Variants in LRCH1 observed in about 807,000 individuals in gnomAD.
LRCH1 encodes the protein leucine-rich repeat and calponin homology domain-containing protein 1.
A neutral mutation model predicts 94.9 loss-of-function variants in LRCH1; 23 were observed. That is an observed-to-expected ratio of 0.24 (90% CI 0.17 to 0.34). The LOEUF (loss-of-function observed/expected upper bound fraction) is 0.34. LRCH1 is among the 10% of genes least tolerant of loss of function. LRCH1 has a pLI of 1.00. For synonymous variants in LRCH1, 364 were observed against 354.9 expected, an observed-to-expected ratio of 1.03 and a Z score of -0.29; for missense variants, 790 against 945.9, an observed-to-expected ratio of 0.84 and a Z score of 2.16.
At chr13:46,606,127 T>C (rs2050683876) in intron 1 of LRCH1, among the ~76,000 whole-genome samples, 1 of 148,780 alleles carries the variant, frequency 6.7e-6, no homozygotes, top group African/African-American at 2.5e-5. Context: ...CTTTAAATGC[T>C]CAAACTCTAA....
intron 18 of LRCH1, 60 bp downstream of exon 18, chr13:46,729,044 T>G (rs1293887542): frequency 6.6e-7 from 1 of 1,525,940 alleles, no homozygotes. Context: ...GGCACTGTTG[T>G]TGGTTTAGGA....
chr13:46,647,388 T>A (rs2051235980), intron 1 of LRCH1, among the ~76,000 whole-genome samples: 1 of 152,210 alleles, frequency 6.6e-6, no homozygotes, highest in Admixed American at 6.5e-5. Flanking sequence ...GATCCTTTTT[T>A]TCATATGATT....
chr13:46,554,841 C>G (rs1427092596), intron 1 of LRCH1, among the ~76,000 whole-genome samples: 8 of 152,296 alleles, frequency 5.3e-5, no homozygotes, highest in Middle Eastern at 6.8e-3. Context: ...GCCCAGACCT[C>G]TTGGCTGTCA....
At chr13:46,663,057 T>C (rs1355849571) in intron 2 of LRCH1, among the ~76,000 whole-genome samples, 1 of 152,184 alleles carries the variant, frequency 6.6e-6, no homozygotes, top group Non-Finnish European at 1.5e-5. Context: ...TCTGAAAACA[T>C]TTTAAGTCTT....
chr13:46,608,267 G>A (rs1036494067), intron 1 of LRCH1, among the ~76,000 whole-genome samples: 7 of 152,170 alleles, frequency 4.6e-5, no homozygotes, highest in African/African-American at 1.4e-4. Context: ...TCCAGATGTG[G>A]TGTGGAGATG....
At chr13:46,686,706 A>G (rs842378) in intron 5 of LRCH1, among the ~76,000 whole-genome samples, 121,992 of 152,066 alleles carry the variant, frequency 0.8, 49,220 homozygotes, top group East Asian at 0.92. Context: ...AATGCTATCA[A>G]TCATGCTTAA....
At chr13:46,629,044 C>G (rs972810810) in intron 1 of LRCH1, among the ~76,000 whole-genome samples, 3 of 152,160 alleles carry the variant, frequency 2.0e-5, no homozygotes, top group African/African-American at 7.2e-5. Context: ...CCAAGTCTCC[C>G]TGAACTCCAC....
chr13:46,671,308 A>G (rs191737068), intron 3 of LRCH1, among the ~76,000 whole-genome samples: 4 of 152,318 alleles, frequency 2.6e-5, no homozygotes, highest in African/African-American at 4.8e-5. Flanking sequence ...CTCAATTTTC[A>G]TAGCATCACA....
At chr13:46,702,520 CAAAT>C (rs927412562) in intron 11 of LRCH1, among the ~76,000 whole-genome samples, 4 of 151,822 alleles carry the variant, frequency 2.6e-5, no homozygotes, top group African/African-American at 4.8e-5. Flanking sequence ...AATAATAAAA[CAAAT>C]AAATAAATAA....
At chr13:46,583,742 G>A (rs995618236) in intron 1 of LRCH1, among the ~76,000 whole-genome samples, 1 of 150,614 alleles carries the variant, frequency 6.6e-6, no homozygotes, top group Non-Finnish European at 1.5e-5. Context: ...ATTTGCTCTT[G>A]TTTCAGCTAC....
chr13:46,598,137 C>T (rs188343514), intron 1 of LRCH1, among the ~76,000 whole-genome samples: 61 of 152,166 alleles, frequency 4.0e-4, no homozygotes, highest in Admixed American at 9.2e-4. Flanking sequence ...AAAAATTAGC[C>T]GGTCAAGGTG....
At chr13:46,693,756 G>A (rs1197214665) in intron 8 of LRCH1, among the ~76,000 whole-genome samples, 4 of 152,152 alleles carry the variant, frequency 2.6e-5, no homozygotes, top group Non-Finnish European at 5.9e-5. Context: ...ACATTAAGGC[G>A]ATTTTTTGAT....
intron 1 of LRCH1, among the ~76,000 whole-genome samples, chr13:46,636,237 A>AT (rs1165633108): frequency 3.3e-5 from 5 of 150,984 alleles, no homozygotes; most frequent in Admixed American, 1.3e-4. Flanking sequence ...CCTGGCTAAT[A>AT]TTTTTTTGTA....
At chr13:46,643,641 C>T (rs867293802) in intron 1 of LRCH1, among the ~76,000 whole-genome samples, 18 of 152,170 alleles carry the variant, frequency 1.2e-4, no homozygotes, top group African/African-American at 4.3e-4. Flanking sequence ...CTCTCAAAGA[C>T]ACACTATGAT....
intron 10 of LRCH1, among the ~76,000 whole-genome samples, chr13:46,700,712 T>C (rs1481563335): frequency 6.6e-6 from 1 of 152,144 alleles, no homozygotes; most frequent in Admixed American, 6.5e-5. Context: ...CCTATATGCA[T>C]GAAAGTAATA....
downstream of LRCH1, among the ~76,000 whole-genome samples, chr13:46,749,625 AAGAAAAG>A: frequency 6.6e-6 from 1 of 152,276 alleles, no homozygotes; most frequent in South Asian, 2.1e-4. Flanking sequence ...TTTCCTGTCA[AAGAAAAG>A]AAAAAAGAAA....
chr13:46,693,257 G>A (rs190539626), intron 8 of LRCH1, among the ~76,000 whole-genome samples: 6 of 152,260 alleles, frequency 3.9e-5, no homozygotes, highest in East Asian at 3.9e-4. Flanking sequence ...TCCAAATTAA[G>A]TTCAAATGGA....
chr13:46,597,332 A>C (rs1416313195), intron 1 of LRCH1, among the ~76,000 whole-genome samples: 2 of 151,760 alleles, frequency 1.3e-5, no homozygotes, highest in Admixed American at 6.6e-5. Flanking sequence ...GGCTCCCCAA[A>C]TATAGGGCTA....
At chr13:46,651,623 T>C (rs1252110775) in intron 2 of LRCH1, among the ~76,000 whole-genome samples, 1 of 149,804 alleles carries the variant, frequency 6.7e-6, no homozygotes, top group Non-Finnish European at 1.5e-5. Flanking sequence ...ATAGCGCCAT[T>C]GCACTCCGGC....
Sources: gnomAD v4.1 joint callset for allele counts (sites outside exome capture counted in the v4.1 genomes callset) on GRCh38, gnomAD v4.1.1 for gene constraint, MANE v1.5 for transcripts, NCBI Gene and HGNC (gene_info 2026-07-23, HGNC 2026-07-21) for gene names.